The following EIF4B variants were observed in gnomAD, a reference collection of about 807,000 sequenced individuals.
EIF4B encodes eukaryotic translation initiation factor 4B.
Under a neutral mutation model 79.3 loss-of-function variants are expected in EIF4B, and 8 were observed. That is an observed-to-expected ratio of 0.10 (90% CI 0.06 to 0.18). The LOEUF is 0.18. Ranked by LOEUF, EIF4B falls within the 10% of genes least tolerant of loss-of-function variation. EIF4B has a pLI of 1.00. For missense variants in EIF4B, 515 were observed against 792.4 expected (o/e 0.65, Z 4.20); for synonymous variants, 238 against 274.7 (o/e 0.87, Z 1.32).
At chr12:53,007,606 C>T (rs1010041084) in intron 1 of EIF4B, among the ~76,000 whole-genome samples, 1 of 152,000 alleles carries the variant, frequency 6.6e-6, no homozygotes, top group Non-Finnish European at 1.5e-5. Flanking sequence ...GACCCAACAT[C>T]TTGTAGCATT....
At position 53,025,261 on chromosome 12, in the gene EIF4B, C is replaced by G. The variant is rs377584792; in HGVS notation, c.668-2521C>G. 187 of 455,694 alleles carry G rather than the reference C, an allele frequency of 4.1e-4. 1 individual carries two copies. Among genetic ancestry groups the G allele is most frequent in the East Asian group, 1.6e-3 (23 of 14,374 alleles). The allele number at this position is 455,694 out of a possible 1,614,324, so 28.2% of individuals were successfully genotyped here. On this transcript the variant is annotated intron_variant, in intron 6 of 14. Transcript: ENST00000262056. ...GCTCTTGAAAGAAAAAGCAGACAAT[C>G]AGACCAAGGGTCCTGTTTTGAGTCC...
At chr12:53,030,882 G>T (rs1440285888) in intron 8 of EIF4B, among the ~76,000 whole-genome samples, 12 of 152,002 alleles carry the variant, frequency 7.9e-5, no homozygotes, top group Admixed American at 7.9e-4. Flanking sequence ...AAAAGTGGAG[G>T]CTCAGATGTG....
At chr12:53,035,557 A>G (rs1244175817) in intron 10 of EIF4B, among the ~76,000 whole-genome samples, 1 of 151,474 alleles carries the variant, frequency 6.6e-6, no homozygotes, top group Non-Finnish European at 1.5e-5. Context: ...TTTAGTAGAG[A>G]TGGGGTTTCA....
rs750693115 is a variant in EIF4B at position 53,022,720 on chromosome 12, A to G, written c.667+93A>G. The G allele has an allele frequency of 1.1e-5, 15 of 1,422,566 alleles. No homozygotes were observed. The Admixed American group carries it at 2.0e-4, about 18-fold the overall frequency. 88.1% of individuals were successfully genotyped at this position (1,422,566 alleles called of 1,614,324 possible). On this transcript the variant is annotated intron_variant, in intron 6 of 14. Coordinates refer to ENST00000262056, the MANE Select transcript of EIF4B (RefSeq NM_001417.7). Reference sequence around the variant, plus strand: ...TGTTACAGATGATCAGATCACATTAACAGATAGAAGGAGGAAAGCAGATTA... The same window carrying G: ...TGTTACAGATGATCAGATCACATTAGCAGATAGAAGGAGGAAAGCAGATTA...
intron 6 of EIF4B, among the ~76,000 whole-genome samples, chr12:53,026,722 C>T (rs1280214626): frequency 6.6e-6 from 1 of 152,128 alleles, no homozygotes; most frequent in Non-Finnish European, 1.5e-5. Context: ...CCACCTCATC[C>T]TCCCAAGTAG....
intron 6 of EIF4B, among the ~76,000 whole-genome samples, chr12:53,026,231 CTGGGTTGCCAGCTTCTCTCAGAAAAT>C (rs983394566): frequency 2.0e-5 from 3 of 151,982 alleles, no homozygotes. Flanking sequence ...ACTTTAAAAT[CTGGGTTGCCAGCTTCTCTCAGAAAAT>C]TGGAAGATCC....
intron 5 of EIF4B, chr12:53,022,104 G>A (rs1816971861): frequency 1.6e-6 from 1 of 636,704 alleles, no homozygotes; most frequent in South Asian, 1.9e-5. Context: ...GAATAGGACA[G>A]TCCCCATCAA....
At chr12:53,024,468 T>C (rs1425382773) in intron 6 of EIF4B, among the ~76,000 whole-genome samples, 1 of 152,122 alleles carries the variant, frequency 6.6e-6, no homozygotes, top group East Asian at 1.9e-4. Context: ...TTGGTGGGGA[T>C]AGGGAAAATT....
chr12:53,011,823 G>A (rs937594200), intron 1 of EIF4B, among the ~76,000 whole-genome samples: 1 of 152,148 alleles, frequency 6.6e-6, no homozygotes, highest in Non-Finnish European at 1.5e-5. Context: ...CCCCACTGTA[G>A]ACCATGTATA....
Position 53,017,417 on chromosome 12 carries a change from TAAAG to T in EIF4B, c.151+810_151+813del, listed in dbSNP as rs887260716. Among the ~76,000 whole-genome samples, 34 of 152,094 alleles carry T rather than the reference TAAAG, an allele frequency of 2.2e-4. No homozygotes were observed. In the South Asian group the frequency reaches 2.9e-3, roughly 13 times the overall value. On this transcript the variant is annotated intron_variant, in intron 2 of 14. Coordinates refer to ENST00000262056, the MANE Select transcript of EIF4B (RefSeq NM_001417.7). ...GAGAACAGTAATTATGGTGGGAAAA[TAAAG>T]AAGAGTCAATTGGACAAGTTCTGTG...
chr12:53,011,492 C>T (rs1943062457), intron 1 of EIF4B, among the ~76,000 whole-genome samples: 1 of 152,140 alleles, frequency 6.6e-6, no homozygotes, highest in South Asian at 2.1e-4. Context: ...TTGGCAGTGT[C>T]CAGAGACGCT....
intron 10 of EIF4B, among the ~76,000 whole-genome samples, chr12:53,035,372 TTTTC>T (rs753181229): frequency 2.9e-4 from 39 of 132,302 alleles, no homozygotes; most frequent in Non-Finnish European, 5.5e-4. Flanking sequence ...TATTTATTTA[TTTTC>T]TTTTTTTTTT....
intron 8 of EIF4B, among the ~76,000 whole-genome samples, chr12:53,028,832 A>T (rs1469213715): frequency 7.2e-5 from 11 of 152,076 alleles, no homozygotes; most frequent in South Asian, 2.1e-4. Context: ...GGGGTTAAAA[A>T]CGAAGCATTA....
chr12:53,020,859 ATT>A (rs1943236551), intron 4 of EIF4B, among the ~76,000 whole-genome samples: 1 of 152,164 alleles, frequency 6.6e-6, no homozygotes, highest in Admixed American at 6.5e-5. Context: ...TTACTGGATT[ATT>A]TTTAGATTTT....
Position 53,032,399 on chromosome 12 carries a change from C to T in EIF4B, c.980-1407C>T, listed in dbSNP as rs183497090. Among the ~76,000 whole-genome samples, 870 of 152,190 alleles carry T rather than the reference C, an allele frequency of 5.7e-3. 10 individuals carry two copies. Among genetic ancestry groups the T allele is most frequent in the African/African-American group, 0.02 (830 of 41,532 alleles). On this transcript the variant is annotated intron_variant, in intron 8 of 14. Coordinates refer to ENST00000262056, the MANE Select transcript of EIF4B (RefSeq NM_001417.7). ...AGTGAGTTGAGATCACACCACTGCC[C>T]TCCAGCCTGGGTGACAGAGCGAGAC...
chr12:53,016,708 T>G (rs1943154542), intron 2 of EIF4B, 98 bp downstream of exon 2: 1 of 1,458,864 alleles, frequency 6.9e-7, no homozygotes. Flanking sequence ...GAAAAGAACT[T>G]ACTCATTTTT....
chr12:53,013,408 T>C (rs760716707), intron 1 of EIF4B: 5 of 152,210 alleles, frequency 3.3e-5, no homozygotes, highest in African/African-American at 4.8e-5. Context: ...TTAAATGATA[T>C]GAAAAAGTCT....
At chr12:53,010,923 A>G (rs1195677096) in intron 1 of EIF4B, among the ~76,000 whole-genome samples, 1 of 152,176 alleles carries the variant, frequency 6.6e-6, no homozygotes. Context: ...TTTTAGTAAC[A>G]GCTTTATTCA....
chr12:53,036,435 G>T (rs1408895115), intron 10 of EIF4B, among the ~76,000 whole-genome samples: 1 of 151,588 alleles, frequency 6.6e-6, no homozygotes, highest in Non-Finnish European at 1.5e-5. Flanking sequence ...TTAAGACAGG[G>T]TTTCATTCTC....
Sources: allele counts gnomAD v4.1 joint callset (sites outside exome capture counted in the v4.1 genomes callset), GRCh38; gene constraint gnomAD v4.1.1; transcripts MANE v1.5; gene names NCBI Gene and HGNC (gene_info 2026-07-23, HGNC 2026-07-21).